Variants in STK38L observed in about 807,000 individuals in gnomAD.
STK38L encodes the protein serine/threonine-protein kinase 38-like.
A neutral mutation model predicts 59.7 loss-of-function variants in STK38L; 28 were observed. The observed-to-expected ratio is 0.47, with a 90% CI of 0.35 to 0.64. The LOEUF is 0.64. Among genes scored for constraint, STK38L ranks in the 30% least tolerant of loss-of-function variants. The pLI, the probability that STK38L is intolerant of heterozygous loss-of-function variation, is 0.01. For synonymous variants in STK38L, 162 were observed against 176.8 expected (o/e 0.92, Z 0.66); for missense variants, 314 against 555.8 (o/e 0.56, Z 4.37).
intron 1 of STK38L, among the ~76,000 whole-genome samples, chr12:27,260,304 C>G (rs540360400): frequency 6.6e-6 from 1 of 152,294 alleles, no homozygotes; most frequent in Admixed American, 6.5e-5. Flanking sequence ...TAATTTACTT[C>G]CAACAGAACA....
chr12:27,288,665 A>T (rs981198343), intron 1 of STK38L, among the ~76,000 whole-genome samples: 2 of 151,560 alleles, frequency 1.3e-5, no homozygotes, highest in Non-Finnish European at 2.9e-5. Context: ...AAATTTCTGT[A>T]TATATTTTAT....
In STK38L at chr12:27,308,553, G is replaced by A. The variant is rs916302992; in HGVS notation, c.309+92G>A. ...TAAAATATAATTCCTGGCTGGGTGC[G>A]GTGGCTCACGCCTGTAATCCCAATA... On this transcript the variant is annotated intron_variant, in intron 4 of 13. Coordinates refer to ENST00000389032, the MANE Select transcript of STK38L (RefSeq NM_015000.4). This position sits in a 1 kb window ranked among gnomAD's most constrained non-coding sequence, Gnocchi z 4.5. 2.3e-5 allele frequency: 29 copies of A among 1,266,780 alleles called. No individual in the cohort carries two copies. The highest frequency in any genetic ancestry group is 5.5e-5 in the South Asian group (3 of 54,874). The allele number at this position is 1,266,780 out of a possible 1,614,324, so 78.5% of individuals were successfully genotyped here.
rs1943208172 is a variant in STK38L at position 27,261,741 on chromosome 12, C to A, written c.-12+17409C>A. Among the ~76,000 whole-genome samples, 3 of 152,282 alleles carry A rather than the reference C, an allele frequency of 2.0e-5. No individual in the cohort carries two copies. In the South Asian group the frequency reaches 6.2e-4, roughly 32 times the overall value. On this transcript the variant is annotated intron_variant, in intron 1 of 13. Transcript: ENST00000389032. Reference sequence around the variant, plus strand: ...CCTGAAACAAATTTCTTAAGTTCTTCTCTAAATTTGTTTTTGTATCTGTAA... The same window carrying A: ...CCTGAAACAAATTTCTTAAGTTCTTATCTAAATTTGTTTTTGTATCTGTAA...
At chr12:27,295,633 A>C (rs2136637218) in intron 1 of STK38L, among the ~76,000 whole-genome samples, 1 of 152,288 alleles carries the variant, frequency 6.6e-6, no homozygotes, top group South Asian at 2.1e-4. Context: ...GTTTTGAAAA[A>C]TGAATCAGAA....
intron 11 of STK38L, 103 bp from the exon 12 acceptor site, chr12:27,319,225 G>T (rs755786913): frequency 2.8e-6 from 2 of 727,016 alleles, no homozygotes; most frequent in Non-Finnish European, 4.4e-6. Context: ...ATCAATAAAA[G>T]AAAAACATTA....
chr12:27,250,499 T>A (rs1942948482), intron 1 of STK38L, among the ~76,000 whole-genome samples: 1 of 152,206 alleles, frequency 6.6e-6, no homozygotes, highest in Non-Finnish European at 1.5e-5. Context: ...AGGGCACAGG[T>A]CTGATAATTT....
At chr12:27,249,370 C>T (rs1942923654) in intron 1 of STK38L, among the ~76,000 whole-genome samples, 1 of 152,180 alleles carries the variant, frequency 6.6e-6, no homozygotes. Flanking sequence ...CAGAGTTTCA[C>T]TCTTGTTGCC....
intron 1 of STK38L, among the ~76,000 whole-genome samples, chr12:27,296,769 C>T (rs1404730708): frequency 6.6e-6 from 1 of 152,204 alleles, no homozygotes; most frequent in Non-Finnish European, 1.5e-5. Context: ...GTAGGCAAGT[C>T]TCTTAGGGTC....
intron 3 of STK38L, among the ~76,000 whole-genome samples, chr12:27,302,961 C>G (rs1035417235): frequency 1.3e-5 from 2 of 149,920 alleles, no homozygotes; most frequent in African/African-American, 4.9e-5. Flanking sequence ...TGCAGTGAGC[C>G]GAGATCGCGC....
chr12:27,259,433 T>C (rs1943158031), intron 1 of STK38L, among the ~76,000 whole-genome samples: 1 of 152,304 alleles, frequency 6.6e-6, no homozygotes, highest in East Asian at 1.9e-4. Context: ...TCTTTCATCC[T>C]AACGCGCCAC....
At position 27,253,084 on chromosome 12, in the gene STK38L, G is replaced by T. The variant is rs546018823; in HGVS notation, c.-12+8752G>T. 5.3e-5 allele frequency among the ~76,000 whole-genome samples: 8 copies of T among 152,304 alleles called. No homozygotes were observed. The East Asian group carries it at 5.8e-4, about 11-fold the overall frequency. ...AAGCTTCCTATATGAAGTGAAATAT[G>T]AATTGAGCATTTCAGAGTGAAGGAC... is the stretch of plus-strand genomic sequence containing the variant. On this transcript the variant is annotated intron_variant, in intron 1 of 13. Transcript: ENST00000389032.
intron 3 of STK38L, 86 bp downstream of exon 3, chr12:27,302,274 A>T: frequency 9.6e-7 from 1 of 1,039,210 alleles, no homozygotes; most frequent in Non-Finnish European, 1.4e-6. Flanking sequence ...TAACTTAAAT[A>T]ATGTGGATTT....
chr12:27,300,066 C>T (rs1046749217), intron 2 of STK38L, among the ~76,000 whole-genome samples: 1 of 151,960 alleles, frequency 6.6e-6, no homozygotes, highest in Non-Finnish European at 1.5e-5. Flanking sequence ...TTACTTGCTG[C>T]AGTGTTAAAG....
intron 1 of STK38L, among the ~76,000 whole-genome samples, chr12:27,250,448 A>G (rs1057476905): frequency 2.6e-5 from 4 of 152,124 alleles, no homozygotes; most frequent in Admixed American, 2.6e-4. Context: ...TTTCCCTCTT[A>G]AATGTTCTTG....
At chr12:27,284,261 C>T (rs1028300457) in intron 1 of STK38L, among the ~76,000 whole-genome samples, 2 of 152,182 alleles carry the variant, frequency 1.3e-5, no homozygotes, top group African/African-American at 4.8e-5. Context: ...CTGGAGTGGT[C>T]ACTGCACTGT....
intron 1 of STK38L, among the ~76,000 whole-genome samples, chr12:27,255,578 A>G (rs1350350340): frequency 6.6e-6 from 1 of 152,182 alleles, no homozygotes; most frequent in African/African-American, 2.4e-5. Flanking sequence ...TTCCCTGTAC[A>G]TCATCTCCAA....
At chr12:27,295,959 T>C (rs79147796) in intron 1 of STK38L, among the ~76,000 whole-genome samples, 4,479 of 151,902 alleles carry the variant, frequency 0.029, 92 homozygotes, top group South Asian at 0.094. Context: ...AAAGAATGAG[T>C]GGTGAGGAAG....
intron 1 of STK38L, among the ~76,000 whole-genome samples, chr12:27,275,990 T>C (rs1943527411): frequency 6.6e-6 from 1 of 152,194 alleles, no homozygotes; most frequent in Admixed American, 6.5e-5. Context: ...CCTGGCTCCC[T>C]GATCCCCTTG....
rs1053336984 is a variant in STK38L, at chr12:27,324,872, C to T, written c.*2417C>T. On this transcript the variant is annotated 3_prime_UTR_variant, in exon 14 of 14. Coordinates refer to ENST00000389032, the MANE Select transcript of STK38L (RefSeq NM_015000.4). ...TCTCTATTATATATTTCCCATATTT[C>T]AGGTGAATAATTTAATTTAAATGAC... 5.3e-5 allele frequency: 8 copies of T among 152,108 alleles called. No homozygotes were observed. Among genetic ancestry groups the T allele is most frequent in the African/African-American group, 1.9e-4 (8 of 41,440 alleles). The allele number at this position is 152,108 out of a possible 1,614,324, so 9.4% of individuals were successfully genotyped here.
Sources: gnomAD v4.1 joint callset for allele counts (sites outside exome capture counted in the v4.1 genomes callset) on GRCh38, gnomAD v4.1.1 for gene constraint, Gnocchi (gnomAD v3.1) non-coding constraint, MANE v1.5 for transcripts, NCBI Gene and HGNC (gene_info 2026-07-23, HGNC 2026-07-21) for gene names.